The following MINAR1 variants were observed in gnomAD, a reference collection of about 807,000 sequenced individuals.
MINAR1 encodes membrane integral NOTCH2 associated receptor 1.
MINAR1 carries 40 observed loss-of-function variants against 65.1 expected under a neutral mutation model. The ratio of observed to expected loss-of-function variants is 0.61; its 90% CI spans 0.48 to 0.80. The LOEUF (loss-of-function observed/expected upper bound fraction) is 0.80, where lower values mean the gene tolerates loss of function less well. MINAR1 is among the 30% of genes least tolerant of loss of function. MINAR1 has a pLI of 0.00. For missense variants in MINAR1, 1,128 were observed against 1,148.0 expected (o/e 0.98, Z 0.25); for synonymous variants, 482 against 449.1 (o/e 1.07, Z -0.93).
intron 1 of MINAR1, among the ~76,000 whole-genome samples, chr15:79,450,848 T>G (rs1156808407): frequency 2.0e-5 from 3 of 152,220 alleles, no homozygotes; most frequent in African/African-American, 4.8e-5. Context: ...CCACTGAGAC[T>G]GCTAGAATTC....
chr15:79,428,360 T>C (rs193253757), upstream of MINAR1, among the ~76,000 whole-genome samples: 580 of 110,594 alleles, frequency 5.2e-3, 33 homozygotes, highest in East Asian at 0.081. Context: ...CTTGCCTCCT[T>C]TTCTTCTTTC....
At chr15:79,420,941 C>T in the MINAR1 span, 5 of 152,328 alleles carry the variant, frequency 3.3e-5, no homozygotes, top group South Asian at 2.1e-4. Context: ...ATTGTAATCA[C>T]ATGGTGACGA....
intron 2 of MINAR1, among the ~76,000 whole-genome samples, chr15:79,459,634 A>C (rs892936311): frequency 6.6e-6 from 1 of 152,216 alleles, no homozygotes; most frequent in Non-Finnish European, 1.5e-5. Flanking sequence ...ATTCAAAGCC[A>C]GGGAGGAGGC....
At chr15:79,447,961 G>A (rs1895069218) in intron 1 of MINAR1, among the ~76,000 whole-genome samples, 1 of 152,052 alleles carries the variant, frequency 6.6e-6, no homozygotes, top group African/African-American at 2.4e-5. Context: ...TCTCATGGAA[G>A]GCCTATCCTA....
At chr15:79,414,864 A>G in the MINAR1 span, 1 of 152,302 alleles carries the variant, frequency 6.6e-6, no homozygotes, top group African/African-American at 2.4e-5. Flanking sequence ...TGCAGTGAGC[A>G]CTCCAAGACG....
chr15:79,444,580 CTAA>C (rs1282361715), intron 1 of MINAR1, among the ~76,000 whole-genome samples: 1 of 151,986 alleles, frequency 6.6e-6, no homozygotes, highest in African/African-American at 2.4e-5. Flanking sequence ...AAACTTTCCT[CTAA>C]TGATAGCTTT....
chr15:79,452,942 A>G (rs1398673446), intron 1 of MINAR1, among the ~76,000 whole-genome samples: 1 of 147,520 alleles, frequency 6.8e-6, no homozygotes, highest in Non-Finnish European at 1.5e-5. Context: ...TCTGCGTGTG[A>G]GTGTATGGGT....
rs1332125115 is a variant in MINAR1 at position 79,469,144 on chromosome 15, A to T, written c.*760A>T. On this transcript the variant is annotated 3_prime_UTR_variant, in exon 4 of 4. Transcript: ENST00000305428. The stretch of plus-strand genomic sequence containing the variant: ...AGGGGAGCTGCCTGCTAACGATGTA[A>T]GGTCAGTATTTGAAAATCATGGCCA... The T allele has an allele frequency of 6.6e-6, 1 of 152,660 alleles. No homozygotes were observed. Among genetic ancestry groups the T allele is most frequent in the Non-Finnish European group, 1.5e-5 (1 of 68,070 alleles). 9.5% of individuals were successfully genotyped at this position (152,660 alleles called of 1,614,324 possible). A position where few individuals can be genotyped will look rare whatever the true frequency, so the allele number is the denominator to read the frequency against.
At chr15:79,425,984 G>C in the MINAR1 span, 1 of 152,270 alleles carries the variant, frequency 6.6e-6, no homozygotes, top group Non-Finnish European at 1.5e-5. Context: ...TCCAGGGCAT[G>C]ATCATTTCCA....
chr15:79,452,504 C>T (rs555205737), intron 1 of MINAR1, among the ~76,000 whole-genome samples: 79 of 140,396 alleles, frequency 5.6e-4, no homozygotes, highest in Non-Finnish European at 8.0e-4. Context: ...GAGTGTGAAG[C>T]TATATGAATG....
Position 79,456,218 on chromosome 15 carries a change from C to T in MINAR1, c.71C>T (p.Thr24Ile), listed in dbSNP as rs1465021252. 3 of 1,614,004 alleles carry T rather than the reference C, an allele frequency of 1.9e-6. No individual in the cohort carries two copies. Among genetic ancestry groups the T allele is most frequent in the African/African-American group, 2.7e-5 (2 of 74,918 alleles). ...GAGGAACTGGACAGCAAGCAAAATA[C>T]CGTTTCTTATCAGGACCTGTGCAAA... ...ILEELDSKQN[T>I]VSYQDLCKSL... Residue 24 changes from threonine to isoleucine, a missense_variant, in exon 2 of 4, where the codon ACC (threonine) becomes ATC (isoleucine). Transcript: ENST00000305428.
chr15:79,434,743 G>C (rs1459751836), intron 1 of MINAR1, among the ~76,000 whole-genome samples: 2 of 152,124 alleles, frequency 1.3e-5, no homozygotes. Flanking sequence ...CTGCAGACTT[G>C]GTGTAAATTT....
chr15:79,459,689 G>C (rs148733191), intron 2 of MINAR1, among the ~76,000 whole-genome samples: 304 of 152,194 alleles, frequency 2.0e-3, no homozygotes, highest in African/African-American at 7.1e-3. Context: ...TGTAAAACTG[G>C]GTTTTAAGGA....
the MINAR1 span, chr15:79,414,453 GAT>G: frequency 6.6e-6 from 1 of 152,196 alleles, no homozygotes; most frequent in African/African-American, 2.4e-5. Context: ...GAAAAGTAGT[GAT>G]GTGTCAGGAT....
the MINAR1 span, chr15:79,416,733 A>C: frequency 6.6e-6 from 1 of 152,246 alleles, no homozygotes. Context: ...AATTCACAGC[A>C]GTCAGCGAGG....
chr15:79,414,005 TG>T, the MINAR1 span: 1 of 151,774 alleles, frequency 6.6e-6, no homozygotes, highest in Non-Finnish European at 1.5e-5. Context: ...TAGGGGGAGG[TG>T]GGGTATGTAT....
intron 1 of MINAR1, among the ~76,000 whole-genome samples, chr15:79,443,380 T>C (rs1894924456): frequency 1.3e-5 from 2 of 152,196 alleles, no homozygotes; most frequent in Non-Finnish European, 2.9e-5. Context: ...ACTTGCAGTT[T>C]GGCCATTCAA....
the MINAR1 span, chr15:79,426,311 G>GAA: frequency 6.6e-6 from 1 of 152,212 alleles, no homozygotes; most frequent in Non-Finnish European, 1.5e-5. Flanking sequence ...ACGATTTTCA[G>GAA]ACTGTCACCA....
In MINAR1 at chr15:79,448,951, G is replaced by T. The variant is rs768436670; in HGVS notation, c.-50-7147G>T. Among the ~76,000 whole-genome samples the T allele has an allele frequency of 3.9e-4, 60 of 152,142 alleles. 1 individual carries two copies. Among genetic ancestry groups the T allele is most frequent in the Non-Finnish European group, 1.8e-4 (12 of 68,010 alleles). On this transcript the variant is annotated intron_variant, in intron 1 of 3. Coordinates refer to ENST00000305428, the MANE Select transcript of MINAR1 (RefSeq NM_015206.3). The stretch of plus-strand genomic sequence containing the variant: ...TGAGCAGTTGAATATGCGTAAGATT[G>T]TGAAAGGGTGGGTATTCATTTTAGC...
Sources: gnomAD v4.1 joint callset for allele counts (sites outside exome capture counted in the v4.1 genomes callset) on GRCh38, gnomAD v4.1.1 for gene constraint, MANE v1.5 for transcripts, NCBI Gene and HGNC (gene_info 2026-07-23, HGNC 2026-07-21) for gene names.